DOK6: variants seen among roughly 807,000 people sequenced by gnomAD.
The protein encoded by DOK6 is downstream of tyrosine kinase 6.
A neutral mutation model predicts 44.0 loss-of-function variants in DOK6; 22 were observed. The observed-to-expected ratio is 0.50, with a 90% confidence interval of 0.36 to 0.71. The LOEUF is 0.71. DOK6 is among the 30% of genes least tolerant of loss of function. DOK6 has a pLI of 0.00. For missense variants in DOK6, 340 were observed against 416.4 expected (o/e 0.82, Z 1.60); for synonymous variants, 166 against 145.5 (o/e 1.14, Z -1.01).
chr18:69,775,023 T>A (rs983145416), intron 7 of DOK6, among the ~76,000 whole-genome samples: 5 of 151,770 alleles, frequency 3.3e-5, no homozygotes, highest in Non-Finnish European at 7.4e-5. Flanking sequence ...GATATCTCAA[T>A]AGCAACGAGA....
Position 69,551,218 on chromosome 18 carries a change from G to A in DOK6, c.67-13269G>A, listed in dbSNP as rs572333429. ...ATGAGTTGAAATCATAAATTCATTT[G>A]TCCGAGAAAATAACACAGTTACATT... is the stretch of plus-strand genomic sequence containing the variant. On this transcript the variant is annotated intron_variant, in intron 1 of 7. Transcript: ENST00000382713. Among the ~76,000 whole-genome samples the A allele has an allele frequency of 1.9e-3, 296 of 152,250 alleles. 1 individual carries two copies. Among genetic ancestry groups the A allele is most frequent in the African/African-American group, 6.8e-3 (282 of 41,542 alleles).
chr18:69,420,285 A>G (rs1568251781), intron 1 of DOK6, among the ~76,000 whole-genome samples: 1 of 152,006 alleles, frequency 6.6e-6, no homozygotes, highest in African/African-American at 2.4e-5. Flanking sequence ...CTTTATGTAT[A>G]TATTTGTCTT....
chr18:69,577,513 G>T (rs1207201999), intron 2 of DOK6, among the ~76,000 whole-genome samples: 1 of 152,066 alleles, frequency 6.6e-6, no homozygotes. Context: ...CGGTTTCTAG[G>T]ACAGTGACAC....
intron 4 of DOK6, among the ~76,000 whole-genome samples, chr18:69,696,685 T>C (rs1454631714): frequency 6.6e-6 from 1 of 152,212 alleles, no homozygotes; most frequent in African/African-American, 2.4e-5. Flanking sequence ...CTTGTGTATA[T>C]TCCTGTGTAA....
chr18:69,413,953 C>T (rs929054737), intron 1 of DOK6, among the ~76,000 whole-genome samples: 1 of 151,716 alleles, frequency 6.6e-6, no homozygotes, highest in Non-Finnish European at 1.5e-5. Flanking sequence ...TACATTTCAC[C>T]AAAGTTGACA....
intron 2 of DOK6, among the ~76,000 whole-genome samples, chr18:69,572,491 G>T (rs866890849): frequency 1.3e-5 from 2 of 152,208 alleles, no homozygotes; most frequent in Middle Eastern, 3.4e-3. Flanking sequence ...GTTATGGGCT[G>T]AGGTGAGGGA....
At chr18:69,656,596 CTAAATT>C (rs1985373710) in intron 3 of DOK6, among the ~76,000 whole-genome samples, 1 of 151,966 alleles carries the variant, frequency 6.6e-6, no homozygotes, top group Non-Finnish European at 1.5e-5. Flanking sequence ...CAAAAAGTTG[CTAAATT>C]TAAAGTAATA....
intron 1 of DOK6, among the ~76,000 whole-genome samples, chr18:69,498,002 A>AC (rs1980941420): frequency 6.6e-6 from 1 of 151,580 alleles, no homozygotes; most frequent in Admixed American, 6.6e-5. Flanking sequence ...AAAAAAGAAA[A>AC]AAAAAGTGAA....
chr18:69,489,983 G>A (rs964057436), intron 1 of DOK6, among the ~76,000 whole-genome samples: 10 of 151,228 alleles, frequency 6.6e-5, no homozygotes, highest in Admixed American at 4.0e-4. Flanking sequence ...AAATTCTGCC[G>A]TATTCACTGC....
chr18:69,720,474 A>C (rs1485757008), intron 5 of DOK6, among the ~76,000 whole-genome samples: 2 of 152,348 alleles, frequency 1.3e-5, no homozygotes, highest in Non-Finnish European at 2.9e-5. Flanking sequence ...ATCTTAATCC[A>C]AAATGCAGAT....
chr18:69,788,465 A>G (rs1181365303), intron 7 of DOK6, among the ~76,000 whole-genome samples: 3 of 152,162 alleles, frequency 2.0e-5, no homozygotes, highest in Admixed American at 2.0e-4. Flanking sequence ...TTCCATTTTT[A>G]TTATGCAGAA....
At chr18:69,651,664 T>C (rs1329176147) in intron 3 of DOK6, among the ~76,000 whole-genome samples, 2 of 151,926 alleles carry the variant, frequency 1.3e-5, no homozygotes, top group Non-Finnish European at 2.9e-5. Context: ...AATTTTTGTA[T>C]TTTGAGTAAA....
intron 3 of DOK6, among the ~76,000 whole-genome samples, chr18:69,615,291 A>T (rs1370136291): frequency 2.0e-5 from 3 of 152,222 alleles, no homozygotes; most frequent in African/African-American, 7.2e-5. Flanking sequence ...ATAGTACTTC[A>T]GTTTCAAGTG....
intron 1 of DOK6, among the ~76,000 whole-genome samples, chr18:69,503,218 G>A (rs1250131875): frequency 1.3e-5 from 2 of 151,950 alleles, no homozygotes; most frequent in Non-Finnish European, 2.9e-5. Context: ...TATAGTTATG[G>A]GAATAATATC....
At chr18:69,565,499 GTGTGTGTGTGTGTGTGTGTGTGTATATA>G (rs956275343) in intron 2 of DOK6, among the ~76,000 whole-genome samples, 10 of 12,596 alleles carry the variant, frequency 7.9e-4, no homozygotes, top group East Asian at 0.056. Flanking sequence ...GTGTGTGTGT[GTGTGTGTGTGTGTGTGTGTGTGTATATA>G]TATATACATA....
intron 1 of DOK6, among the ~76,000 whole-genome samples, chr18:69,408,860 A>G (rs1474209162): frequency 1.3e-5 from 2 of 152,218 alleles, no homozygotes; most frequent in East Asian, 3.8e-4. Flanking sequence ...AAATAGATGT[A>G]TTTAAATTAT....
At chr18:69,801,009 T>C (rs554134161) in intron 7 of DOK6, among the ~76,000 whole-genome samples, 11 of 152,186 alleles carry the variant, frequency 7.2e-5, no homozygotes, top group Admixed American at 2.6e-4. Context: ...TATTTTAAAA[T>C]TGATTCATAT....
intron 1 of DOK6, among the ~76,000 whole-genome samples, chr18:69,518,238 G>A (rs1424611541): frequency 1.3e-5 from 2 of 152,006 alleles, no homozygotes; most frequent in Non-Finnish European, 2.9e-5. Flanking sequence ...GTAAAGACCT[G>A]AATACCAACA....
intron 1 of DOK6, among the ~76,000 whole-genome samples, chr18:69,470,863 G>C (rs1980080106): frequency 2.0e-5 from 3 of 152,288 alleles, no homozygotes; most frequent in African/African-American, 7.2e-5. Flanking sequence ...GTCAGGTCCT[G>C]TTAAAGTTTT....
Sources: allele counts gnomAD v4.1 joint callset (sites outside exome capture counted in the v4.1 genomes callset), GRCh38; gene constraint gnomAD v4.1.1; transcripts MANE v1.5; gene names NCBI Gene and HGNC (gene_info 2026-07-23, HGNC 2026-07-21).